The following PCDH15 variants were observed in gnomAD, a reference collection of about 807,000 sequenced individuals.
PCDH15 encodes protocadherin-15.
In PCDH15, 129 loss-of-function variants were observed where a neutral mutation model predicts 178.5. The observed-to-expected ratio is 0.72, with a 90% CI of 0.63 to 0.84. The LOEUF is 0.84. PCDH15 is among the 40% of genes least tolerant of loss of function. The probability of loss-of-function intolerance (pLI) is 0.00; values close to 1 mark genes in which losing one functional copy is unlikely to be tolerated. For missense variants in PCDH15, 2,230 were observed against 2,099.9 expected, an observed-to-expected ratio of 1.06 and a Z score of -1.21; for synonymous variants, 800 against 732.0, an observed-to-expected ratio of 1.09 and a Z score of -1.50.
chr10:55,300,512 T>C (rs560126133), intron 1 of PCDH15, among the ~76,000 whole-genome samples: 2 of 152,138 alleles, frequency 1.3e-5, no homozygotes, highest in Non-Finnish European at 2.9e-5. Context: ...TGATACTTTA[T>C]AGAAGCATAA....
Position 55,579,801 on chromosome 10 carries a change from G to A in PCDH15, c.-156+47824C>T, listed in dbSNP as rs539923556. Among the ~76,000 whole-genome samples the A allele has an allele frequency of 5.9e-5, 9 of 152,020 alleles. No individual in the cohort carries two copies. The South Asian group carries it at 1.2e-3, about 21-fold the overall frequency. ...ATAGATTACTTGAGCAACGTATTGG[G>A]ATTTTTTGGTTTTTTTGTTTGTTAT... On this transcript the variant is annotated intron_variant, in intron 2 of 5. Coordinates refer to the PCDH15 transcript ENST00000613346.
At chr10:53,897,959 C>T (rs1183145668) in intron 26 of PCDH15, among the ~76,000 whole-genome samples, 1 of 82,412 alleles carries the variant, frequency 1.2e-5, no homozygotes, top group African/African-American at 5.4e-5. Context: ...TTTCTTTTCC[C>T]TTTTTTTTTT....
At chr10:54,230,047 G>T (rs547699444) in intron 9 of PCDH15, among the ~76,000 whole-genome samples, 70 of 152,250 alleles carry the variant, frequency 4.6e-4, no homozygotes, top group African/African-American at 1.5e-3. Flanking sequence ...TACTGATTCA[G>T]TTCTGGGATC....
chr10:55,135,369 G>A (rs1311712020), intron 2 of PCDH15, among the ~76,000 whole-genome samples: 1 of 151,490 alleles, frequency 6.6e-6, no homozygotes, highest in Non-Finnish European at 1.5e-5. Flanking sequence ...TCCATTTTTT[G>A]GACCTCATGC....
chr10:54,089,824 T>A (rs1164472510), intron 16 of PCDH15, among the ~76,000 whole-genome samples, 160 bp downstream of exon 16: 1 of 152,200 alleles, frequency 6.6e-6, no homozygotes, highest in African/African-American at 2.4e-5. Flanking sequence ...GTAATATTTC[T>A]GGGCTCAGAA....
intron 2 of PCDH15, among the ~76,000 whole-genome samples, chr10:55,157,602 A>G (rs976681521): frequency 5.3e-4 from 80 of 151,742 alleles, no homozygotes; most frequent in African/African-American, 1.9e-3. Flanking sequence ...TGGCACATAT[A>G]CACCATGGAA....
At chr10:54,961,835 C>T (rs1330901424) in intron 2 of PCDH15, among the ~76,000 whole-genome samples, 1 of 152,084 alleles carries the variant, frequency 6.6e-6, no homozygotes, top group Admixed American at 6.5e-5. Context: ...CTCCTCTACA[C>T]TCTTTGGGAT....
At chr10:55,405,283 G>GATAGATATATATATATATATAT (rs1554863154) in intron 2 of PCDH15, among the ~76,000 whole-genome samples, 1 of 108,086 alleles carries the variant, frequency 9.3e-6, no homozygotes, top group African/African-American at 3.5e-5. Flanking sequence ...TGAGGTAACA[G>GATAGATATATATATATATATAT]ATATATATAT....
intron 18 of PCDH15, among the ~76,000 whole-genome samples, chr10:54,063,690 A>T (rs1405556053): frequency 2.6e-5 from 4 of 152,186 alleles, no homozygotes; most frequent in Non-Finnish European, 4.4e-5. Flanking sequence ...ACTGGGCTAA[A>T]TCCGACACTT....
chr10:53,956,261 C>T (rs1402005031), intron 23 of PCDH15, among the ~76,000 whole-genome samples: 2 of 151,978 alleles, frequency 1.3e-5, no homozygotes, highest in East Asian at 3.9e-4. Flanking sequence ...CAGAATTCAT[C>T]CCTAGTTAAT....
At chr10:54,399,244 A>G (rs1363874951) in intron 3 of PCDH15, among the ~76,000 whole-genome samples, 1 of 151,974 alleles carries the variant, frequency 6.6e-6, no homozygotes, top group African/African-American at 2.4e-5. Context: ...GACATGGAAA[A>G]GAAGCCACTG....
At chr10:54,058,091 G>A (rs1483089872) in intron 18 of PCDH15, among the ~76,000 whole-genome samples, 2 of 152,056 alleles carry the variant, frequency 1.3e-5, no homozygotes, top group African/African-American at 2.4e-5. Context: ...TGCCTTTTGA[G>A]CCCTCCAAGT....
At chr10:54,754,942 CTT>C (rs35143502) in intron 1 of PCDH15, among the ~76,000 whole-genome samples, 39 of 33,820 alleles carry the variant, frequency 1.2e-3, no homozygotes, top group Admixed American at 4.9e-3. Context: ...GTTTTTCTTT[CTT>C]TTTTTTTTTT....
At chr10:55,530,636 G>T (rs560490155) in intron 2 of PCDH15, among the ~76,000 whole-genome samples, 2 of 152,110 alleles carry the variant, frequency 1.3e-5, no homozygotes, top group South Asian at 4.1e-4. Context: ...AAAGTTTAGA[G>T]AAGTGGGAAA....
intron 15 of PCDH15, among the ~76,000 whole-genome samples, chr10:54,101,212 C>G (rs541203784): frequency 9.2e-5 from 14 of 152,282 alleles, no homozygotes; most frequent in African/African-American, 3.1e-4. Context: ...GTGAGACATG[C>G]CTTTCACCTT....
At chr10:54,330,235 T>C (rs1029153430) in intron 6 of PCDH15, among the ~76,000 whole-genome samples, 1 of 151,766 alleles carries the variant, frequency 6.6e-6, no homozygotes, top group African/African-American at 2.4e-5. Context: ...TGTTGTTAGG[T>C]GATTTTTGTC....
chr10:54,383,780 T>C (rs1949561979), intron 3 of PCDH15, among the ~76,000 whole-genome samples: 1 of 151,674 alleles, frequency 6.6e-6, no homozygotes, highest in Non-Finnish European at 1.5e-5. Context: ...TAGAAAAATA[T>C]GTCCCAGGGG....
At chr10:55,257,111 A>G (rs1842020950) in intron 1 of PCDH15, among the ~76,000 whole-genome samples, 1 of 152,174 alleles carries the variant, frequency 6.6e-6, no homozygotes, top group South Asian at 2.1e-4. Context: ...ACCCAGGCAA[A>G]CATGGTCTGG....
intron 3 of PCDH15, among the ~76,000 whole-genome samples, chr10:54,817,807 C>T (rs1318519639): frequency 6.6e-6 from 1 of 152,024 alleles, no homozygotes; most frequent in Non-Finnish European, 1.5e-5. Flanking sequence ...TATGTGCTGA[C>T]ATTAACATCT....
Sources: gnomAD v4.1 joint callset for allele counts (sites outside exome capture counted in the v4.1 genomes callset) on GRCh38, gnomAD v4.1.1 for gene constraint, MANE v1.5 for transcripts, NCBI Gene and HGNC (gene_info 2026-07-23, HGNC 2026-07-21) for gene names.